The following HEMK2 variants were observed in gnomAD, a reference collection of about 807,000 sequenced individuals.
The protein encoded by HEMK2 is HemK methyltransferase 2, ETF1 glutamine and histone H4 lysine.
At chr21:28,833,594 G>A in the HEMK2 span, among the ~76,000 whole-genome samples, 1 of 151,870 alleles carries the variant, frequency 6.6e-6, no homozygotes, top group Non-Finnish European at 1.5e-5. Context: ...CTCCTTTTTG[G>A]CTCTACCATT....
the HEMK2 span, among the ~76,000 whole-genome samples, chr21:28,609,673 T>C: frequency 4.3e-5 from 6 of 138,662 alleles, no homozygotes; most frequent in Non-Finnish European, 7.8e-5. Context: ...AGATATAGGA[T>C]ATGAATGGAA....
At chr21:28,657,512 T>C in the HEMK2 span, among the ~76,000 whole-genome samples, 17 of 152,228 alleles carry the variant, frequency 1.1e-4, no homozygotes, top group South Asian at 2.1e-3. Flanking sequence ...TCAATTATCC[T>C]ACCAGAAAAC....
chr21:28,694,266 A>C, the HEMK2 span, among the ~76,000 whole-genome samples: 1 of 152,218 alleles, frequency 6.6e-6, no homozygotes, highest in Non-Finnish European at 1.5e-5. Context: ...TAGACTACCC[A>C]ACATGTAGAA....
the HEMK2 span, among the ~76,000 whole-genome samples, chr21:28,740,180 T>G: frequency 2.3e-4 from 35 of 152,224 alleles, no homozygotes; most frequent in Non-Finnish European, 3.2e-4. Flanking sequence ...TAATGGAAAT[T>G]CTCTCTACTT....
the HEMK2 span, among the ~76,000 whole-genome samples, chr21:28,753,234 G>A: frequency 6.6e-6 from 1 of 151,990 alleles, no homozygotes; most frequent in African/African-American, 2.4e-5. Context: ...GCACGTACCT[G>A]TAATCCCAGC....
At chr21:28,851,392 G>A in the HEMK2 span, among the ~76,000 whole-genome samples, 2 of 152,154 alleles carry the variant, frequency 1.3e-5, no homozygotes, top group Non-Finnish European at 2.9e-5. Flanking sequence ...ACTGAAAAAT[G>A]GCAGCCTGTC....
the HEMK2 span, among the ~76,000 whole-genome samples, chr21:28,867,086 G>A: frequency 1.3e-5 from 2 of 152,054 alleles, no homozygotes; most frequent in African/African-American, 4.8e-5. Flanking sequence ...GCATCTTTCT[G>A]GAAAACAATT....
chr21:28,872,607 G>A, the HEMK2 span: 2 of 152,268 alleles, frequency 1.3e-5, no homozygotes, highest in East Asian at 3.9e-4. Context: ...CAAGAAAGTG[G>A]CTTACATGAT....
At chr21:28,850,713 T>A in the HEMK2 span, among the ~76,000 whole-genome samples, 1 of 152,168 alleles carries the variant, frequency 6.6e-6, no homozygotes, top group Non-Finnish European at 1.5e-5. Context: ...AAAAACACAC[T>A]TAAGTACAGA....
At chr21:28,788,299 CACACAT>C in the HEMK2 span, among the ~76,000 whole-genome samples, 15 of 131,828 alleles carry the variant, frequency 1.1e-4, no homozygotes, top group Admixed American at 1.2e-3. Context: ...CACACACACA[CACACAT>C]ATATATGTGT....
the HEMK2 span, among the ~76,000 whole-genome samples, chr21:28,677,103 G>A: frequency 6.6e-6 from 1 of 152,278 alleles, no homozygotes; most frequent in Non-Finnish European, 1.5e-5. Flanking sequence ...GCAAGGCATC[G>A]CCTCACCCGG....
At chr21:28,731,393 T>C in the HEMK2 span, among the ~76,000 whole-genome samples, 1 of 152,124 alleles carries the variant, frequency 6.6e-6, no homozygotes, top group Non-Finnish European at 1.5e-5. Flanking sequence ...TCAGAATCTG[T>C]TGGAAGCAGC....
the HEMK2 span, among the ~76,000 whole-genome samples, chr21:28,603,574 T>TGTGTGTGTGC: frequency 6.6e-6 from 1 of 151,526 alleles, no homozygotes; most frequent in Non-Finnish European, 1.5e-5. Flanking sequence ...TGTGTGTGTG[T>TGTGTGTGTGC]GTGTGTGTGT....
chr21:28,661,516 G>GTC, the HEMK2 span, among the ~76,000 whole-genome samples: 1 of 151,916 alleles, frequency 6.6e-6, no homozygotes, highest in Non-Finnish European at 1.5e-5. Flanking sequence ...AGGTTTTGCT[G>GTC]TCTCTGTCTT....
the HEMK2 span, among the ~76,000 whole-genome samples, chr21:28,731,097 A>C: frequency 6.6e-6 from 1 of 152,156 alleles, no homozygotes; most frequent in Non-Finnish European, 1.5e-5. Context: ...ATGAGGGAGG[A>C]AGTGGTGGAG....
chr21:28,611,608 G>GGGAGCAGCTCACACCTGTAATCCCA, the HEMK2 span, among the ~76,000 whole-genome samples: 10 of 151,910 alleles, frequency 6.6e-5, no homozygotes, highest in African/African-American at 9.7e-5. Flanking sequence ...CATTTTAAAT[G>GGGAGCAGCTCACACCTGTAATCCCA]GGAGCAGCTC....
At chr21:28,737,515 T>G in the HEMK2 span, among the ~76,000 whole-genome samples, 4 of 152,260 alleles carry the variant, frequency 2.6e-5, no homozygotes, top group East Asian at 7.7e-4. Context: ...ATCTGCCTTT[T>G]TTTCTTTAGA....
the HEMK2 span, among the ~76,000 whole-genome samples, chr21:28,770,289 G>A: frequency 6.6e-6 from 1 of 152,024 alleles, no homozygotes; most frequent in African/African-American, 2.4e-5. Flanking sequence ...TTTCCTTTAG[G>A]ATTTTTCCTC....
At chr21:28,725,231 T>G in the HEMK2 span, among the ~76,000 whole-genome samples, 2 of 152,174 alleles carry the variant, frequency 1.3e-5, no homozygotes, top group Non-Finnish European at 2.9e-5. Flanking sequence ...TGCTAAATTG[T>G]ATTGAAATTA....
Sources: allele counts gnomAD v4.1 joint callset (sites outside exome capture counted in the v4.1 genomes callset), GRCh38; gene constraint gnomAD v4.1.1; transcripts MANE v1.5; gene names NCBI Gene and HGNC (gene_info 2026-07-23, HGNC 2026-07-21).